ANKRD27: variants seen among roughly 807,000 people sequenced by gnomAD.
ANKRD27 encodes the protein ankyrin repeat domain 27.
Under a neutral mutation model 129.7 loss-of-function variants are expected in ANKRD27, and 112 were observed. That is an observed-to-expected ratio of 0.86 (90% CI 0.74 to 1.01). The LOEUF is 1.01. Among genes scored for constraint, ANKRD27 ranks in the 50% least tolerant of loss-of-function variants. The pLI, the probability that ANKRD27 is intolerant of heterozygous loss-of-function variation, is 0.00. For missense variants in ANKRD27, 1,258 were observed against 1,300.5 expected (o/e 0.97, Z 0.50); for synonymous variants, 516 against 511.2 (o/e 1.01, Z -0.13).
At chr19:32,601,515 G>C (rs1157047852) in intron 26 of ANKRD27, among the ~76,000 whole-genome samples, 1 of 150,022 alleles carries the variant, frequency 6.7e-6, no homozygotes, top group African/African-American at 2.5e-5. Context: ...AGCTACTTGA[G>C]GCAGGAGAAT....
At chr19:32,629,883 G>A (rs187494435) in intron 13 of ANKRD27, among the ~76,000 whole-genome samples, 1 of 144,532 alleles carries the variant, frequency 6.9e-6, no homozygotes, top group East Asian at 2.0e-4. Context: ...AATCCCTACA[G>A]GGTGACAAAT....
In ANKRD27 at chr19:32,635,242, G is replaced by A. The variant is rs758002398; in HGVS notation, c.1117-3748C>T. 4.6e-5 allele frequency among the ~76,000 whole-genome samples: 7 copies of A among 152,154 alleles called. No individual in the cohort carries two copies. The South Asian group carries it at 8.3e-4, about 18-fold the overall frequency. On this transcript the variant is annotated intron_variant, in intron 12 of 28. Coordinates refer to ENST00000306065, the MANE Select transcript of ANKRD27 (RefSeq NM_032139.3). ...GATTCCTCTGCAGGGCAGGAAAGCCGGCCAGGGAGTGAACTCTCAGACCAA... is the reference window on the plus strand; with the variant it reads ...GATTCCTCTGCAGGGCAGGAAAGCCAGCCAGGGAGTGAACTCTCAGACCAA...
chr19:32,605,951 C>T lies in ANKRD27; in HGVS notation c.2377G>A (p.Val793Met). ...LACQQGHFQVVKCLLDSNAKP... is the reference protein window; with the variant it reads ...LACQQGHFQVMKCLLDSNAKP... ...GCATTCGAATCTAACAGACACTTCACCACCTGGGCCAGAGAAGGAAAACGT... is the reference window on the plus strand; with the variant it reads ...GCATTCGAATCTAACAGACACTTCATCACCTGGGCCAGAGAAGGAAAACGT... Residue 793 changes from valine to methionine, a missense_variant, in exon 24 of 29, where the codon GTG becomes ATG. Val to Met is a conservative substitution (Grantham distance 21). Transcript: ENST00000306065. The T allele has an allele frequency of 6.2e-7, 1 of 1,612,876 alleles. No individual in the cohort carries two copies. The highest frequency in any genetic ancestry group is 1.7e-5 in the Admixed American group (1 of 59,944).
At chr19:32,664,919 C>A (rs1377836677) in intron 1 of ANKRD27, among the ~76,000 whole-genome samples, 3,492 of 95,282 alleles carry the variant, frequency 0.037, no homozygotes, top group Non-Finnish European at 0.048. Context: ...GACTCTGTCT[C>A]AAAAAAAAAA....
intron 28 of ANKRD27, among the ~76,000 whole-genome samples, chr19:32,598,784 G>A (rs1971608009): frequency 6.6e-6 from 1 of 152,104 alleles, no homozygotes; most frequent in Non-Finnish European, 1.5e-5. Context: ...CACCACATAA[G>A]ACTAAATATG....
chr19:32,631,770 G>A (rs1419219354), intron 12 of ANKRD27, among the ~76,000 whole-genome samples: 3 of 152,182 alleles, frequency 2.0e-5, no homozygotes, highest in Admixed American at 6.5e-5. Flanking sequence ...CATCTCCAGC[G>A]TGGAATGCGG....
chr19:32,634,623 G>T (rs1967056962), intron 12 of ANKRD27, among the ~76,000 whole-genome samples: 1 of 152,094 alleles, frequency 6.6e-6, no homozygotes, highest in Admixed American at 6.6e-5. Context: ...GAGCCTATAG[G>T]AGTGGACTCA....
chr19:32,629,304 G>A (rs1356255464), intron 13 of ANKRD27, among the ~76,000 whole-genome samples: 1 of 152,188 alleles, frequency 6.6e-6, no homozygotes, highest in East Asian at 1.9e-4. Context: ...TCATCTTGGT[G>A]GTAGGGAAAG....
chr19:32,634,403 G>A (rs138598097), intron 12 of ANKRD27, among the ~76,000 whole-genome samples: 341 of 152,306 alleles, frequency 2.2e-3, no homozygotes, highest in African/African-American at 8.0e-3. Context: ...GGGCTTCACA[G>A]CCAGCCGTGA....
Position 32,631,469 on chromosome 19 carries a change from A to T in ANKRD27, c.1142T>A (p.Leu381Gln). 1 of 1,614,158 alleles carries T rather than the reference A, an allele frequency of 6.2e-7. No homozygotes were observed. Among genetic ancestry groups the T allele is most frequent in the Non-Finnish European group, 8.5e-7 (1 of 1,180,014 alleles). ...PPESEGFGDR[L>Q]FLKQRMSLLS... Reference sequence around the variant, plus strand: ...TAAGCTCATTCTCTGCTTAAGGAACAGCCTGTCTCCAAATCCCTCAGACTC... The same window carrying T: ...TAAGCTCATTCTCTGCTTAAGGAACTGCCTGTCTCCAAATCCCTCAGACTC... The change falls in exon 13 of 29, where the codon CTG (leucine) becomes CAG (glutamine). Residue 381 changes from leucine (L) to glutamine (Q), a missense_variant. By Grantham distance (113) the Leu-to-Gln change is moderately radical. Coordinates refer to ENST00000306065, the MANE Select transcript of ANKRD27 (RefSeq NM_032139.3).
chr19:32,628,078 C>T lies in ANKRD27; in HGVS notation c.1420+5G>A, dbSNP rs762540777. 2 of 1,613,912 alleles carry T rather than the reference C, an allele frequency of 1.2e-6. No homozygotes were observed. The highest frequency in any genetic ancestry group is 1.3e-5 in the African/African-American group (1 of 74,950). On this transcript the variant is annotated splice_donor_5th_base_variant and intron_variant, in intron 15 of 28. Transcript: ENST00000306065. ...GCCCCTAGGGGCCAGCCCAGGACCA[C>T]ATACCACAGACAGCAGCCACATGGA...
At chr19:32,645,519 G>A (rs1415811537) in intron 4 of ANKRD27, among the ~76,000 whole-genome samples, 1 of 152,042 alleles carries the variant, frequency 6.6e-6, no homozygotes, top group Non-Finnish European at 1.5e-5. Flanking sequence ...GCTCAGTGCA[G>A]CCTTGAATTC....
intron 1 of ANKRD27, among the ~76,000 whole-genome samples, chr19:32,661,686 G>C (rs1424840415): frequency 6.6e-6 from 1 of 151,972 alleles, no homozygotes; most frequent in Admixed American, 6.6e-5. Context: ...AGTATACTTG[G>C]GGGATTGGTT....
At chr19:32,664,362 C>T (rs545292687) in intron 1 of ANKRD27, among the ~76,000 whole-genome samples, 4 of 151,978 alleles carry the variant, frequency 2.6e-5, no homozygotes, top group Admixed American at 6.6e-5. Context: ...GTGGCTCACA[C>T]CTGTAATCCC....
chr19:32,624,421 T>A (rs1246506106), intron 17 of ANKRD27, among the ~76,000 whole-genome samples: 1 of 150,490 alleles, frequency 6.6e-6, no homozygotes, highest in African/African-American at 2.4e-5. Context: ...CTAGAGGATC[T>A]CTGTAACGTA....
chr19:32,658,811 T>C lies in ANKRD27; in HGVS notation c.102+103A>G. ...GACCAAGCACACTGCTGGGAGCTTG[T>C]TAAGCTGAGTTTATAACAAACTCCC... is the stretch of plus-strand genomic sequence containing the variant. On this transcript the variant is annotated intron_variant, in intron 2 of 28. Coordinates refer to ENST00000306065, the MANE Select transcript of ANKRD27 (RefSeq NM_032139.3). The C allele has an allele frequency of 2.0e-6, 2 of 1,019,460 alleles. 1 individual carries two copies. The highest frequency in any genetic ancestry group is 4.8e-5 in the East Asian group (2 of 41,286). 63.2% of individuals were successfully genotyped at this position (1,019,460 alleles called of 1,614,324 possible).
At chr19:32,656,197 G>A (rs1445856134) in intron 2 of ANKRD27, among the ~76,000 whole-genome samples, 1 of 152,174 alleles carries the variant, frequency 6.6e-6, no homozygotes, top group Non-Finnish European at 1.5e-5. Flanking sequence ...GAGCAAGATA[G>A]AGCTTCCCCA....
intron 22 of ANKRD27, among the ~76,000 whole-genome samples, chr19:32,611,312 C>T (rs1402284492): frequency 6.6e-6 from 1 of 152,184 alleles, no homozygotes; most frequent in Non-Finnish European, 1.5e-5. Flanking sequence ...TGCTAGGGAA[C>T]ACCATCTGCC....
chr19:32,645,126 T>C lies in ANKRD27; in HGVS notation c.371-647A>G, dbSNP rs369004748. Among the ~76,000 whole-genome samples the C allele has an allele frequency of 3.9e-5, 6 of 152,260 alleles. No homozygotes were observed. The East Asian group carries it at 9.7e-4, about 25-fold the overall frequency. The stretch of plus-strand genomic sequence containing the variant: ...TGTTTAACCTTTTTTAAAAAAATAA[T>C]TTATTGGCCGGGCGCAGCGGCTCAT... On this transcript the variant is annotated intron_variant, in intron 4 of 28. Coordinates refer to ENST00000306065, the MANE Select transcript of ANKRD27 (RefSeq NM_032139.3).
Sources: allele counts gnomAD v4.1 joint callset (sites outside exome capture counted in the v4.1 genomes callset), GRCh38; gene constraint gnomAD v4.1.1; transcripts MANE v1.5; gene names NCBI Gene and HGNC (gene_info 2026-07-23, HGNC 2026-07-21).